Variants in RBFOX2 observed in about 807,000 individuals in gnomAD.
RBFOX2 encodes RNA binding protein fox-1 homolog 2.
A neutral mutation model predicts 49.1 loss-of-function variants in RBFOX2; 10 were observed. The observed-to-expected ratio is 0.20, with a 90% CI of 0.13 to 0.35. RBFOX2 has a LOEUF of 0.35. RBFOX2 is among the 10% of genes least tolerant of loss of function. The probability of loss-of-function intolerance (pLI) is 1.00; values close to 1 mark genes in which losing one functional copy is unlikely to be tolerated. For missense variants in RBFOX2, 323 were observed against 486.9 expected (o/e 0.66, Z 3.17); for synonymous variants, 183 against 187.4 (o/e 0.98, Z 0.19).
chr22:35,814,399 T>C (rs1458498616), intron 1 of RBFOX2, among the ~76,000 whole-genome samples: 3 of 152,020 alleles, frequency 2.0e-5, no homozygotes, highest in Non-Finnish European at 4.4e-5. Flanking sequence ...ATAGTTGTTA[T>C]GCTGTAGTGT....
intron 1 of RBFOX2, among the ~76,000 whole-genome samples, chr22:35,828,315 A>G (rs139148059): frequency 6.6e-6 from 1 of 152,314 alleles, no homozygotes; most frequent in East Asian, 1.9e-4. Context: ...TGAGCTTTAC[A>G]ACTGCCCCAA....
intron 1 of RBFOX2, among the ~76,000 whole-genome samples, chr22:35,857,319 T>C (rs1481794580): frequency 2.0e-5 from 3 of 152,126 alleles, no homozygotes; most frequent in Non-Finnish European, 2.9e-5. Flanking sequence ...GCAGCTACCA[T>C]TACAAGAGGT....
chr22:35,815,271 T>C (rs553470182), intron 1 of RBFOX2, among the ~76,000 whole-genome samples: 4 of 152,310 alleles, frequency 2.6e-5, no homozygotes, highest in East Asian at 3.9e-4. Flanking sequence ...TGAAAATTAA[T>C]TGAGAGAGCA....
intron 1 of RBFOX2, among the ~76,000 whole-genome samples, chr22:35,901,343 C>T (rs1051056194): frequency 2.6e-5 from 4 of 152,256 alleles, no homozygotes; most frequent in South Asian, 4.2e-4. Context: ...CTGCCCATTA[C>T]CAAGACTTTA....
intron 9 of RBFOX2, among the ~76,000 whole-genome samples, chr22:35,750,764 G>A (rs1316919185): frequency 1.3e-5 from 2 of 152,296 alleles, no homozygotes; most frequent in African/African-American, 2.4e-5. Flanking sequence ...ATGTATGCTC[G>A]CCCTCTGTCA....
intron 1 of RBFOX2, among the ~76,000 whole-genome samples, chr22:35,913,528 TATA>T (rs926324306): frequency 6.6e-5 from 10 of 150,656 alleles, no homozygotes; most frequent in Non-Finnish European, 1.2e-4. Flanking sequence ...ATTATATCAT[TATA>T]ATATGTGTGT....
chr22:36,021,403 AAAAAAT>A (rs1190973244), intron 1 of RBFOX2, among the ~76,000 whole-genome samples: 1 of 152,126 alleles, frequency 6.6e-6, no homozygotes, highest in Non-Finnish European at 1.5e-5. Flanking sequence ...TAATAAAAAT[AAAAAAT>A]AAAAATAAAA....
exon 2 of RBFOX2, chr22:35,809,800 T>C: frequency 2.5e-6 from 4 of 1,614,010 alleles, no homozygotes; most frequent in Non-Finnish European, 3.4e-6. Flanking sequence ...CCATTTTGTG[T>C]GCTGGGTGAG....
At chr22:35,876,672 A>G (rs894786779) in intron 1 of RBFOX2, among the ~76,000 whole-genome samples, 14 of 151,370 alleles carry the variant, frequency 9.2e-5, no homozygotes, top group African/African-American at 3.2e-4. Context: ...AGTTTTTTAG[A>G]ACTCTGATCA....
chr22:35,823,714 A>G (rs2148503721), intron 1 of RBFOX2, among the ~76,000 whole-genome samples: 1 of 152,372 alleles, frequency 6.6e-6, no homozygotes, highest in East Asian at 1.9e-4. Flanking sequence ...GAACTCGAAG[A>G]TTTATTAAAA....
At chr22:35,756,043 A>G (rs1936819708) in intron 9 of RBFOX2, 62 bp downstream of exon 11, 4 of 1,244,860 alleles carry the variant, frequency 3.2e-6, no homozygotes, top group Admixed American at 3.9e-5. Flanking sequence ...CCAAAGAAAC[A>G]GAAAAAAAAA....
At chr22:35,765,383 C>T in intron 6 of RBFOX2, 40 bp downstream of exon 7, 1 of 1,377,068 alleles carries the variant, frequency 7.3e-7, no homozygotes, top group South Asian at 1.3e-5. Context: ...CATATATTTA[C>T]ACAAGAATAA....
intron 1 of RBFOX2, chr22:35,897,462 G>A: frequency 2.4e-6 from 2 of 831,898 alleles, no homozygotes; most frequent in South Asian, 2.7e-5. Context: ...TGTTGTCCAG[G>A]ACTCAAATGG....
chr22:36,007,613 GA>G (rs963252526), intron 1 of RBFOX2, among the ~76,000 whole-genome samples: 3 of 152,122 alleles, frequency 2.0e-5, no homozygotes, highest in African/African-American at 2.4e-5. Flanking sequence ...TTGTTGGTAT[GA>G]TTTTTTTATA....
exon 12 of RBFOX2, chr22:35,741,788 T>C (rs1285567383): frequency 6.5e-6 from 1 of 152,686 alleles, no homozygotes; most frequent in East Asian, 1.9e-4. Flanking sequence ...AAAAGGTCTG[T>C]GGGAGCCGCC....
At chr22:35,805,401 C>T (rs1178324525) in intron 2 of RBFOX2, among the ~76,000 whole-genome samples, 1 of 151,080 alleles carries the variant, frequency 6.6e-6, no homozygotes, top group Non-Finnish European at 1.5e-5. Context: ...TGTCATATGT[C>T]ATCAGGGAAA....
At chr22:35,869,516 G>A (rs1471230646) in intron 1 of RBFOX2, among the ~76,000 whole-genome samples, 1 of 144,282 alleles carries the variant, frequency 6.9e-6, no homozygotes, top group African/African-American at 2.6e-5. Context: ...TGTAGACAGG[G>A]TCTCAATATG....
Position 35,745,908 on chromosome 22 carries a change from A to T in RBFOX2, c.1049+15T>A, listed in dbSNP as rs1932503428. 1 of 1,602,862 alleles carries T rather than the reference A, an allele frequency of 6.2e-7. No homozygotes were observed. The highest frequency in any genetic ancestry group is 1.3e-5 in the African/African-American group (1 of 74,660). On this transcript the variant is annotated intron_variant, in intron 11 of 11. Coordinates refer to ENST00000405409, the Ensembl canonical transcript of RBFOX2. ...TGAAATGGTTTTATAAAGCAATGGT[A>T]TATTATATACTTACCACAGCGCCAA...
intron 1 of RBFOX2, among the ~76,000 whole-genome samples, chr22:35,982,452 C>G (rs182390176): frequency 2.6e-5 from 4 of 152,102 alleles, no homozygotes; most frequent in African/African-American, 9.7e-5. Context: ...CTCCCTACTA[C>G]ACTGGGAGCC....
Sources: gnomAD v4.1 joint callset for allele counts (sites outside exome capture counted in the v4.1 genomes callset) on GRCh38, gnomAD v4.1.1 for gene constraint, MANE v1.5 for transcripts, NCBI Gene and HGNC (gene_info 2026-07-23, HGNC 2026-07-21) for gene names.